The following PTPRS variants were observed in gnomAD, a reference collection of about 807,000 sequenced individuals.
PTPRS encodes protein tyrosine phosphatase receptor type S.
In PTPRS, 63 loss-of-function variants were observed where a neutral mutation model predicts 215.3. The observed-to-expected ratio is 0.29, with a 90% confidence interval of 0.24 to 0.36. PTPRS has a LOEUF of 0.36. Among genes scored for constraint, PTPRS ranks in the 10% least tolerant of loss-of-function variants. PTPRS has a pLI of 1.00. For synonymous variants in PTPRS, 1,404 were observed against 1,191.4 expected, an observed-to-expected ratio of 1.18 and a Z score of -3.68; for missense variants, 2,258 against 2,825.8, an observed-to-expected ratio of 0.80 and a Z score of 4.56.
chr19:5,306,001 A>T (rs896557749), intron 1 of PTPRS, among the ~76,000 whole-genome samples: 7 of 149,118 alleles, frequency 4.7e-5, no homozygotes, highest in African/African-American at 1.5e-4. Context: ...GAACAGAGAG[A>T]ACCAGCAGCA....
intron 1 of PTPRS, among the ~76,000 whole-genome samples, chr19:5,288,240 TG>T (rs1643862242): frequency 6.6e-6 from 1 of 152,262 alleles, no homozygotes; most frequent in South Asian, 2.1e-4. Context: ...GCCGGCACAC[TG>T]TCAGACTATA....
At chr19:5,306,064 G>A (rs2049483366) in intron 1 of PTPRS, among the ~76,000 whole-genome samples, 1 of 150,612 alleles carries the variant, frequency 6.6e-6, no homozygotes, top group South Asian at 2.1e-4. Context: ...TGCTCCCCTG[G>A]AAGCAACCTC....
chr19:5,284,103 G>A (rs1356018076), intron 2 of PTPRS, among the ~76,000 whole-genome samples: 2 of 152,116 alleles, frequency 1.3e-5, no homozygotes, highest in African/African-American at 2.4e-5. Context: ...GCTCATGCCT[G>A]TAATCCCAGC....
Position 5,330,970 on chromosome 19 carries a change from CA to C in PTPRS, c.-95+9693del, listed in dbSNP as rs139867187. Among the ~76,000 whole-genome samples, 517 of 152,150 alleles carry C rather than the reference CA, an allele frequency of 3.4e-3. 2 individuals carry two copies. Among genetic ancestry groups the C allele is most frequent in the Non-Finnish European group, 5.9e-3 (404 of 68,000 alleles). On this transcript the variant is annotated intron_variant, in intron 1 of 37. Transcript: ENST00000262963. ...CCAATAATCAATGGGGCAGTGGAAC[CA>C]GGACAGATGTGCAGAGGGAACCCAT...
At chr19:5,275,845 A>C (rs2047316958) in intron 2 of PTPRS, among the ~76,000 whole-genome samples, 1 of 150,850 alleles carries the variant, frequency 6.6e-6, no homozygotes, top group African/African-American at 2.4e-5. Flanking sequence ...CTGGGGTCTC[A>C]CTATGTTGCC....
At chr19:5,331,126 TTTAA>T (rs1279991772) in intron 1 of PTPRS, among the ~76,000 whole-genome samples, 1 of 42,560 alleles carries the variant, frequency 2.3e-5, no homozygotes, top group African/African-American at 2.0e-4. Context: ...GGCTTCTTTT[TTTAA>T]AAAAAAAAAA....
chr19:5,297,884 C>T (rs978277682), intron 1 of PTPRS, among the ~76,000 whole-genome samples: 3 of 151,506 alleles, frequency 2.0e-5, no homozygotes, highest in African/African-American at 7.3e-5. Context: ...CCTCTGCCTC[C>T]CGGGTTCACA....
Position 5,244,582 on chromosome 19 carries a change from G to C in PTPRS, c.989-100C>G. On this transcript the variant is annotated intron_variant, in intron 10 of 37. Transcript: ENST00000262963. The surrounding 1 kb of genome is among the most constrained non-coding windows in gnomAD (Gnocchi z 7.2). Reference sequence around the variant, plus strand: ...CATTCAGTCGCCTTCTCTGAGCCTTGATTTGCCCAGCAGTAATCATGGGCC... The same window carrying C: ...CATTCAGTCGCCTTCTCTGAGCCTTCATTTGCCCAGCAGTAATCATGGGCC... The C allele has an allele frequency of 3.1e-6, 3 of 961,308 alleles. No individual in the cohort carries two copies. The highest frequency in any genetic ancestry group is 4.6e-6 in the Non-Finnish European group (3 of 648,814). 59.5% of individuals were successfully genotyped at this position (961,308 alleles called of 1,614,324 possible). A position where few individuals can be genotyped will look rare whatever the true frequency, so the allele number is the denominator to read the frequency against.
intron 22 of PTPRS, 90 bp from the exon 23 acceptor site, chr19:5,219,557 C>T: frequency 7.0e-7 from 1 of 1,427,290 alleles, no homozygotes; most frequent in East Asian, 2.4e-5. Flanking sequence ...TACGTTTCTC[C>T]CCCGCTCTAG....
Position 5,206,585 on chromosome 19 carries a change from C to T in PTPRS, c.*189G>A, listed in dbSNP as rs529083463. The T allele has an allele frequency of 3.1e-4, 158 of 513,740 alleles. 1 individual carries two copies. Among genetic ancestry groups the T allele is most frequent in the African/African-American group, 2.8e-3 (140 of 50,552 alleles). 31.8% of individuals were successfully genotyped at this position (513,740 alleles called of 1,614,324 possible). A position where few individuals can be genotyped will look rare whatever the true frequency, so the allele number is the denominator to read the frequency against. The stretch of plus-strand genomic sequence containing the variant: ...AGGCGGCGGCCGGTGCCAGGGAGGT[C>T]GCTGGGGCGGCCGGGGCCGGTGGGG... On this transcript the variant is annotated 3_prime_UTR_variant, in exon 38 of 38. Transcript: ENST00000262963.
intron 3 of PTPRS, 54 bp downstream of exon 3, chr19:5,274,145 G>A (rs1174911009): frequency 2.5e-6 from 4 of 1,573,270 alleles, no homozygotes; most frequent in South Asian, 1.1e-5. Context: ...AGGTGCTGTG[G>A]CCCTGCCTTG....
intron 26 of PTPRS, among the ~76,000 whole-genome samples, chr19:5,215,823 G>A (rs964151064): frequency 3.9e-5 from 6 of 152,092 alleles, no homozygotes; most frequent in African/African-American, 1.4e-4. Context: ...CCTCTGCTCC[G>A]TGCAGAGGCT....
intron 13 of PTPRS, among the ~76,000 whole-genome samples, chr19:5,232,618 CCATT>C (rs1320536757): frequency 1.3e-5 from 2 of 150,822 alleles, no homozygotes; most frequent in African/African-American, 4.9e-5. Flanking sequence ...AACAGAAGCT[CCATT>C]CATTAAGCAC....
At chr19:5,319,526 G>A (rs1463275591) in intron 1 of PTPRS, among the ~76,000 whole-genome samples, 3 of 150,678 alleles carry the variant, frequency 2.0e-5, no homozygotes, top group Non-Finnish European at 4.4e-5. Flanking sequence ...GAGTATCTGA[G>A]TCAGGTCCTG....
At position 5,245,810 on chromosome 19, in the gene PTPRS, G is replaced by A. The variant is rs772414987; in HGVS notation, c.954C>T (p.Gly318=). 1.7e-5 allele frequency: 28 copies of A among 1,611,454 alleles called. No homozygotes were observed. Among genetic ancestry groups the A allele is most frequent in the East Asian group, 8.9e-5 (4 of 44,770 alleles). Residue 318 remains glycine (G), a synonymous_variant, in exon 10 of 38, where the codon GGC becomes GGT. Coordinates refer to ENST00000262963, the MANE Select transcript of PTPRS (RefSeq NM_002850.4). Reference sequence around the variant, plus strand: ...TGATCTGAGCAACCGCCTCAATGACGCCCAGGCTGGACATGGCCACGCAGG... The same window carrying A: ...TGATCTGAGCAACCGCCTCAATGACACCCAGGCTGGACATGGCCACGCAGG... ...NYTCVAMSSL[G]VIEAVAQITV...
chr19:5,243,767 C>T (rs945009483), intron 11 of PTPRS, 134 bp downstream of exon 11: 2 of 888,254 alleles, frequency 2.3e-6, no homozygotes, highest in African/African-American at 1.7e-5. Context: ...CCACCACACC[C>T]GGCCTAAATG....
chr19:5,233,945 C>CTAAAAAAA (rs2043215338), intron 13 of PTPRS, among the ~76,000 whole-genome samples: 1 of 7,598 alleles, frequency 1.3e-4, no homozygotes, highest in Non-Finnish European at 3.4e-4. Flanking sequence ...GACTCCATCT[C>CTAAAAAAA]CAAAAAAAAA....
At chr19:5,301,246 ATTGCCAGCCTGGGCCCCTGCCAGG>A in intron 1 of PTPRS, among the ~76,000 whole-genome samples, 2 of 139,756 alleles carry the variant, frequency 1.4e-5, no homozygotes, top group Admixed American at 7.4e-5. Context: ...GCCAGGCCCC[ATTGCCAGCCTGGGCCCCTGCCAGG>A]CCGTCTCCCA....
intron 1 of PTPRS, among the ~76,000 whole-genome samples, chr19:5,291,943 G>A (rs150723932): frequency 6.6e-6 from 1 of 151,786 alleles, no homozygotes; most frequent in African/African-American, 2.4e-5. Flanking sequence ...TCCCACAGGG[G>A]TATTTACACA....
Sources: allele counts gnomAD v4.1 joint callset (sites outside exome capture counted in the v4.1 genomes callset), GRCh38; gene constraint gnomAD v4.1.1; non-coding constraint Gnocchi (gnomAD v3.1); transcripts MANE v1.5; gene names NCBI Gene and HGNC (gene_info 2026-07-23, HGNC 2026-07-21).